CACNA1G: variants seen among roughly 807,000 people sequenced by gnomAD.
CACNA1G encodes the protein calcium voltage-gated channel subunit alpha1 G.
A neutral mutation model predicts 219.4 loss-of-function variants in CACNA1G; 67 were observed. The ratio of observed to expected loss-of-function variants is 0.31; its 90% CI spans 0.25 to 0.37. CACNA1G has a LOEUF of 0.37. Among genes scored for constraint, CACNA1G ranks in the 10% least tolerant of loss-of-function variants. The pLI is 1.00. For synonymous variants in CACNA1G, 1,296 were observed against 1,345.3 expected (o/e 0.96, Z 0.80); for missense variants, 2,380 against 3,231.4 (o/e 0.74, Z 6.39).
At position 50,621,598 on chromosome 17, in the gene CACNA1G, G is replaced by T. The variant is rs1322540621; in HGVS notation, c.5926-62G>T. The T allele has an allele frequency of 1.3e-6, 2 of 1,576,326 alleles. No individual in the cohort carries two copies. The highest frequency in any genetic ancestry group is 8.7e-7 in the Non-Finnish European group (1 of 1,152,526). ...GGACTGAGAGAGAGCGCGTGTGTGC[G>T]TGTGCACGCGCGTGTGCGCTGTCCT... On this transcript the variant is annotated intron_variant, in intron 34 of 37. Transcript: ENST00000359106. This position sits in a 1 kb window ranked among gnomAD's most constrained non-coding sequence, Gnocchi z 4.6.
In CACNA1G at chr17:50,571,341, T is replaced by C. The variant is rs1259391291; in HGVS notation, c.587-537T>C. On this transcript the variant is annotated intron_variant, in intron 4 of 37. Coordinates refer to ENST00000359106, the MANE Select transcript of CACNA1G (RefSeq NM_018896.5). This position sits in a 1 kb window ranked among gnomAD's most constrained non-coding sequence, Gnocchi z 4.3. ...TCCTCCTGGAGTTCGCTGCCTCAGTTTCCCTAATGACTCTGGTGGTGATAA... is the reference window on the plus strand; with the variant it reads ...TCCTCCTGGAGTTCGCTGCCTCAGTCTCCCTAATGACTCTGGTGGTGATAA... Among the ~76,000 whole-genome samples the C allele has an allele frequency of 1.3e-5, 2 of 152,202 alleles. No individual in the cohort carries two copies. The highest frequency in any genetic ancestry group is 6.5e-5 in the Admixed American group (1 of 15,282).
rs117447017 is a variant in CACNA1G at position 50,596,222 on chromosome 17, A to C, written c.2980-340A>C. The stretch of plus-strand genomic sequence containing the variant: ...TAGTGACCACTTCACTCAGGTCCCC[A>C]GGTCCCCAGCCCCCTCTGGCCTGTG... On this transcript the variant is annotated intron_variant, in intron 14 of 37. Transcript: ENST00000359106. This position sits in a 1 kb window ranked among gnomAD's most constrained non-coding sequence, Gnocchi z 4.8. 7.0e-3 allele frequency among the ~76,000 whole-genome samples: 1,071 copies of C among 152,288 alleles called. 62 individuals are homozygous for C. The East Asian group carries it at 0.14, about 20-fold the overall frequency.
intron 33 of CACNA1G, 27 bp from the exon 34 acceptor site, chr17:50,619,656 G>C (rs1307683342): frequency 1.2e-6 from 2 of 1,600,296 alleles, no homozygotes; most frequent in Non-Finnish European, 1.7e-6. Flanking sequence ...CTGCCTCTCC[G>C]GCTCCCCTTA....
In CACNA1G at chr17:50,616,003, C is replaced by T. The variant is rs114915510; in HGVS notation, c.4912-272C>T. Among the ~76,000 whole-genome samples the T allele has an allele frequency of 5.0e-3, 762 of 152,274 alleles. 10 individuals are homozygous for T. The highest frequency in any genetic ancestry group is 0.018 in the African/African-American group (728 of 41,550). ...AAGGCCCCTTCCAGTCCTGGCATGC[C>T]GTGTCATCTAGTACATTCTCATGTG... On this transcript the variant is annotated intron_variant, in intron 27 of 37. Transcript: ENST00000359106.
rs375346714 is a variant in CACNA1G at position 50,618,186 on chromosome 17, T to A, written c.5306-36T>A. ...GCTGGAGACCAGGGGGCTCCTGGAC[T>A]AACATGGGCCTCTCCCCCTTTCCCT... On this transcript the variant is annotated intron_variant, in intron 31 of 37. Coordinates refer to ENST00000359106, the MANE Select transcript of CACNA1G (RefSeq NM_018896.5). This position sits in a 1 kb window ranked among gnomAD's most constrained non-coding sequence, Gnocchi z 5.3. 1.4e-4 allele frequency: 231 copies of A among 1,612,750 alleles called. 2 individuals are homozygous for A. The South Asian group carries it at 1.5e-3, about 10-fold the overall frequency.
chr17:50,609,863 T>C lies in CACNA1G; in HGVS notation c.4706-19T>C. On this transcript the variant is annotated intron_variant, in intron 25 of 37. Coordinates refer to ENST00000359106, the MANE Select transcript of CACNA1G (RefSeq NM_018896.5). ...CACCTGGTCCGGCCAGTGACCAATG[T>C]CGTGTTTCGTTCTTTTAGATCTAAT... 1 of 1,609,892 alleles carries C rather than the reference T, an allele frequency of 6.2e-7. No homozygotes were observed. Among genetic ancestry groups the C allele is most frequent in the South Asian group, 1.1e-5 (1 of 91,018 alleles).
rs2048287936 is a variant in CACNA1G, at chr17:50,607,940, G to A, written c.4626G>A (p.Lys1542=). The A allele has an allele frequency of 1.9e-6, 3 of 1,614,038 alleles. No individual in the cohort carries two copies. Among genetic ancestry groups the A allele is most frequent in the South Asian group, 2.2e-5 (2 of 91,084 alleles). Reference sequence around the variant, plus strand: ...GTGTGGTGGTGGAGAACTTCCACAAGTGTCGGCAGCACCAGGAGGAAGAGG... The same window carrying A: ...GTGTGGTGGTGGAGAACTTCCACAAATGTCGGCAGCACCAGGAGGAAGAGG... The part of the protein sequence containing the change: ...FVGVVVENFH[K]CRQHQEEEEA... Residue 1542 remains lysine (K), a synonymous_variant, in exon 25 of 38, where the codon AAG becomes AAA. Coordinates refer to ENST00000359106, the MANE Select transcript of CACNA1G (RefSeq NM_018896.5).
chr17:50,588,577 C>T (rs914111881), intron 9 of CACNA1G, among the ~76,000 whole-genome samples: 8 of 152,208 alleles, frequency 5.3e-5, no homozygotes, highest in South Asian at 2.1e-4. Context: ...GTACTGTGCT[C>T]ACGCCGGAGA....
chr17:50,617,413 G>A lies in CACNA1G; in HGVS notation c.5022-25G>A. 1 of 1,595,664 alleles carries A rather than the reference G, an allele frequency of 6.3e-7. No homozygotes were observed. On this transcript the variant is annotated intron_variant, in intron 28 of 37. Coordinates refer to ENST00000359106, the MANE Select transcript of CACNA1G (RefSeq NM_018896.5). This position sits in a 1 kb window ranked among gnomAD's most constrained non-coding sequence, Gnocchi z 5.8. ...TTCAGGAACCCCCTCCCCCAACTCA[G>A]GGAGCTGTATTCTGGGCTTTCCAGG...
Position 50,568,987 on chromosome 17 carries a change from T to C in CACNA1G, c.354+6T>C, listed in dbSNP as rs1452333755. The C allele has an allele frequency of 5.8e-6, 5 of 858,330 alleles. No homozygotes were observed. The highest frequency in any genetic ancestry group is 8.2e-6 in the Non-Finnish European group (5 of 608,944). 53.2% of individuals were successfully genotyped at this position (858,330 alleles called of 1,614,324 possible). ...AGCGCTGCCGGATCCTGCAGGTGAG[T>C]GTGTGTGTGTGTGTGTGTGTGTGTG... On this transcript the variant is annotated splice_donor_region_variant and intron_variant, in intron 2 of 37. Coordinates refer to ENST00000359106, the MANE Select transcript of CACNA1G (RefSeq NM_018896.5).
Position 50,618,536 on chromosome 17 carries a change from CCCT to C in CACNA1G, c.5428-110_5428-108del. 9.9e-7 allele frequency: 1 copy of C among 1,012,484 alleles called. No individual in the cohort carries two copies. The highest frequency in any genetic ancestry group is 1.5e-6 in the Non-Finnish European group (1 of 676,050). The allele number at this position is 1,012,484 out of a possible 1,614,324, so 62.7% of individuals were successfully genotyped here. On this transcript the variant is annotated intron_variant, in intron 32 of 37. Coordinates refer to ENST00000359106, the MANE Select transcript of CACNA1G (RefSeq NM_018896.5). This position sits in a 1 kb window ranked among gnomAD's most constrained non-coding sequence, Gnocchi z 5.3. ...TAGTGCTCCTCTGCCCCCAAACACTCCCTCCTCCTCCCCTTCCTTCCCATCCTC... is the reference window on the plus strand; with the variant it reads ...TAGTGCTCCTCTGCCCCCAAACACTCCCTCCTCCCCTTCCTTCCCATCCTC...
rs942108223 is a variant in CACNA1G, at chr17:50,627,431, C to G, written c.*680C>G. Reference sequence around the variant, plus strand: ...TATACATACATACATATCTATCTATCTATCTATATATATATAAAATAAAGT... The same window carrying G: ...TATACATACATACATATCTATCTATGTATCTATATATATATAAAATAAAGT... On this transcript the variant is annotated 3_prime_UTR_variant, in exon 38 of 38. Transcript: ENST00000359106. 1.8e-5 allele frequency: 6 copies of G among 327,924 alleles called. No individual in the cohort carries two copies. Among genetic ancestry groups the G allele is most frequent in the Non-Finnish European group, 2.9e-5 (5 of 169,726 alleles). 20.3% of individuals were successfully genotyped at this position (327,924 alleles called of 1,614,324 possible).
At chr17:50,581,698 C>T (rs1387594370) in intron 9 of CACNA1G, among the ~76,000 whole-genome samples, 1 of 152,182 alleles carries the variant, frequency 6.6e-6, no homozygotes, top group Non-Finnish European at 1.5e-5. Flanking sequence ...TGGGTTTGCC[C>T]AGAGGGCTGG....
intron 26 of CACNA1G, among the ~76,000 whole-genome samples, chr17:50,614,826 G>T (rs1416263637): frequency 6.6e-6 from 1 of 152,230 alleles, no homozygotes. Context: ...GGCCCTCTGG[G>T]TGGGTCAGTG....
chr17:50,575,766 C>T lies in CACNA1G; in HGVS notation c.1364C>T (p.Ser455Phe). Residue 455 changes from serine to phenylalanine, a missense_variant, in exon 8 of 38, where the codon TCT (serine) becomes TTT (phenylalanine). Coordinates refer to ENST00000359106, the MANE Select transcript of CACNA1G (RefSeq NM_018896.5). The part of the protein sequence containing the change: ...RKAARRLAQV[S>F]RAAGVRVGLL... ...GCAGCCCGCAGGCTGGCTCAGGTCT[C>T]TCGGGCAGCAGGTGTGCGGGTTGGG... The T allele has an allele frequency of 1.9e-6, 3 of 1,560,572 alleles. No homozygotes were observed. Among genetic ancestry groups the T allele is most frequent in the South Asian group, 2.4e-5 (2 of 84,946 alleles).
chr17:50,625,835 G>A (rs1318029178), intron 37 of CACNA1G, among the ~76,000 whole-genome samples, 182 bp from the exon 38 acceptor site: 2 of 152,150 alleles, frequency 1.3e-5, no homozygotes, highest in African/African-American at 4.8e-5. Context: ...AGGCATGGTG[G>A]ACAACAGAGG....
chr17:50,608,152 C>T (rs2048344029), intron 25 of CACNA1G, 133 bp downstream of exon 25: 1 of 735,530 alleles, frequency 1.4e-6, no homozygotes, highest in South Asian at 1.8e-5. Context: ...CCCCCCTCCT[C>T]ACCTCCTTCT....
Position 50,619,754 on chromosome 17 carries a change from C to T in CACNA1G, c.5853C>T (p.Asp1951=), listed in dbSNP as rs61467595. The T allele has an allele frequency of 1.3e-3, 2,067 of 1,609,374 alleles. 24 individuals are homozygous for T. In the African/African-American group the frequency reaches 0.022, roughly 17 times the overall value. The change falls in exon 34 of 38, where the codon GAC becomes GAT. Residue 1951 remains aspartate (D), a synonymous_variant. Transcript: ENST00000359106. ...TGGAGTGGGAGCTGAAGCTGATGGA[C>T]GAGCTGGCAGGCCCAGGGGGCCAGC... ...GSLEWELKLM[D]ELAGPGGQPS...
intron 9 of CACNA1G, among the ~76,000 whole-genome samples, chr17:50,589,376 C>T (rs546037994): frequency 6.6e-5 from 10 of 152,178 alleles, no homozygotes; most frequent in Non-Finnish European, 1.0e-4. Context: ...CCTGAACTCC[C>T]GGACTTGCTG....
Sources: gnomAD v4.1 joint callset for allele counts (sites outside exome capture counted in the v4.1 genomes callset) on GRCh38, gnomAD v4.1.1 for gene constraint, Gnocchi (gnomAD v3.1) non-coding constraint, MANE v1.5 for transcripts, NCBI Gene and HGNC (gene_info 2026-07-23, HGNC 2026-07-21) for gene names.